The following PLEKHO2 variants were observed in gnomAD, a reference collection of about 807,000 sequenced individuals.
PLEKHO2 encodes the protein pleckstrin homology domain containing O2.
In PLEKHO2, 20 loss-of-function variants were observed where a neutral mutation model predicts 32.7. The ratio of observed to expected loss-of-function variants is 0.61; its 90% CI spans 0.43 to 0.89. The LOEUF (loss-of-function observed/expected upper bound fraction) is 0.89, where lower values mean the gene tolerates loss of function less well. Among genes scored for constraint, PLEKHO2 ranks in the 40% least tolerant of loss-of-function variants. The probability of loss-of-function intolerance (pLI) is 0.00; values close to 1 mark genes in which losing one functional copy is unlikely to be tolerated. For synonymous variants in PLEKHO2, 247 were observed against 246.3 expected, an observed-to-expected ratio of 1.00 and a Z score of -0.03; for missense variants, 568 against 621.2, an observed-to-expected ratio of 0.91 and a Z score of 0.91.
In PLEKHO2 at chr15:64,863,830, G is replaced by A. The variant is rs530296872; in HGVS notation, c.484-1069G>A. ...ATGATCTCGGCTCACTGCAACCTCC[G>A]CTTCCAGGGTTCAAGCAATTCTCCT... On this transcript the variant is annotated intron_variant, in intron 5 of 5. Transcript: ENST00000323544. 2.5e-3 allele frequency among the ~76,000 whole-genome samples: 381 copies of A among 150,056 alleles called. 2 individuals carry two copies. The highest frequency in any genetic ancestry group is 8.8e-3 in the African/African-American group (360 of 40,740).
At chr15:64,847,181 C>T (rs1025195012) in intron 1 of PLEKHO2, among the ~76,000 whole-genome samples, 1 of 152,168 alleles carries the variant, frequency 6.6e-6, no homozygotes, top group African/African-American at 2.4e-5. Flanking sequence ...GCTGGGGTTC[C>T]CCTGCCATGA....
chr15:64,856,365 C>T (rs1359486741), intron 3 of PLEKHO2, among the ~76,000 whole-genome samples: 2 of 151,950 alleles, frequency 1.3e-5, no homozygotes, highest in African/African-American at 2.4e-5. Context: ...TGAGTGCTCA[C>T]CTGGCCGTGT....
intron 1 of PLEKHO2, among the ~76,000 whole-genome samples, chr15:64,846,420 C>T (rs2084522731): frequency 6.6e-6 from 1 of 152,012 alleles, no homozygotes; most frequent in African/African-American, 2.4e-5. Context: ...TCAAGGGATT[C>T]TCCTGCCTCA....
chr15:64,866,418 T>C lies in PLEKHO2; in HGVS notation c.*530T>C, dbSNP rs1384182892. On this transcript the variant is annotated 3_prime_UTR_variant, in exon 6 of 6. Coordinates refer to ENST00000323544, the MANE Select transcript of PLEKHO2 (RefSeq NM_025201.5). ...AGAGGCCTTGGGTCCAGGCTCTAGGTTCATCCCTCAGTTGGGGGGAACGTA... is the reference window on the plus strand; with the variant it reads ...AGAGGCCTTGGGTCCAGGCTCTAGGCTCATCCCTCAGTTGGGGGGAACGTA... The C allele has an allele frequency of 2.2e-6, 1 of 456,194 alleles. No individual in the cohort carries two copies. Among genetic ancestry groups the C allele is most frequent in the Admixed American group, 2.3e-5 (1 of 42,562 alleles). The allele number at this position is 456,194 out of a possible 1,614,324, so 28.3% of individuals were successfully genotyped here. A position where few individuals can be genotyped will look rare whatever the true frequency, so the allele number is the denominator to read the frequency against.
chr15:64,842,039 G>T lies in PLEKHO2; in HGVS notation c.12+11G>T, dbSNP rs1008577105. On this transcript the variant is annotated intron_variant, in intron 1 of 5. Transcript: ENST00000323544. Reference sequence around the variant, plus strand: ...GCCATGGAGGAGGAGGTGAGGGCGGGGCCCGGCGGGGCGTTGGGCTGGGGT... The same window carrying T: ...GCCATGGAGGAGGAGGTGAGGGCGGTGCCCGGCGGGGCGTTGGGCTGGGGT... 1 of 1,239,634 alleles carries T rather than the reference G, an allele frequency of 8.1e-7. No homozygotes were observed. Among genetic ancestry groups the T allele is most frequent in the Non-Finnish European group, 1.0e-6 (1 of 991,394 alleles). 76.8% of individuals were successfully genotyped at this position (1,239,634 alleles called of 1,614,324 possible). A position where few individuals can be genotyped will look rare whatever the true frequency, so the allele number is the denominator to read the frequency against.
chr15:64,841,956 G>GGCAGAGCC lies in PLEKHO2; in HGVS notation c.-60_-53dup. On this transcript the variant is annotated 5_prime_UTR_variant, in exon 1 of 6. Coordinates refer to ENST00000323544, the MANE Select transcript of PLEKHO2 (RefSeq NM_025201.5). ...CCGCCTGGCCGGGCGTAGACGCGGTGGCAGAGCCCGCGCGGCGCTGGAAGC... is the reference window on the plus strand; with the variant it reads ...CCGCCTGGCCGGGCGTAGACGCGGTGGCAGAGCCGCAGAGCCCGCGCGGCGCTGGAAGC... 8.0e-7 allele frequency: 1 copy of GGCAGAGCC among 1,243,550 alleles called. No homozygotes were observed. Among genetic ancestry groups the GGCAGAGCC allele is most frequent in the Non-Finnish European group, 1.0e-6 (1 of 993,770 alleles). 77.0% of individuals were successfully genotyped at this position (1,243,550 alleles called of 1,614,324 possible).
intron 2 of PLEKHO2, among the ~76,000 whole-genome samples, chr15:64,850,100 C>A (rs2084555965): frequency 6.6e-6 from 1 of 151,850 alleles, no homozygotes; most frequent in East Asian, 1.9e-4. Flanking sequence ...GTGGAGGTTG[C>A]AGTGAGCCGA....
At position 64,844,594 on chromosome 15, in the gene PLEKHO2, C is replaced by T. The variant is rs147777429; in HGVS notation, c.12+2566C>T. ...CTTGCCCTCACCATCTAGAGACAAG[C>T]AGGGCAGTGTCCTGTCCCAGTACTG... is the stretch of plus-strand genomic sequence containing the variant. On this transcript the variant is annotated intron_variant, in intron 1 of 5. Coordinates refer to ENST00000323544, the MANE Select transcript of PLEKHO2 (RefSeq NM_025201.5). Among the ~76,000 whole-genome samples the T allele has an allele frequency of 4.9e-3, 749 of 152,282 alleles. 3 individuals are homozygous for T. The highest frequency in any genetic ancestry group is 7.0e-3 in the Non-Finnish European group (479 of 68,028).
At chr15:64,843,952 T>C (rs1595826489) in intron 1 of PLEKHO2, among the ~76,000 whole-genome samples, 1 of 152,118 alleles carries the variant, frequency 6.6e-6, no homozygotes, top group Non-Finnish European at 1.5e-5. Context: ...TCTTGTCCAC[T>C]TTACCCAAGC....
intron 5 of PLEKHO2, among the ~76,000 whole-genome samples, chr15:64,861,994 A>C (rs1205869202): frequency 6.6e-6 from 1 of 152,146 alleles, no homozygotes; most frequent in Admixed American, 6.5e-5. Context: ...ACAAGGAGCC[A>C]CTGGCATTTT....
Position 64,864,975 on chromosome 15 carries a change from C to T in PLEKHO2, c.560C>T (p.Pro187Leu). The change falls in exon 6 of 6, where the codon CCC becomes CTC. Residue 187 changes from proline to leucine, a missense_variant. Coordinates refer to ENST00000323544, the MANE Select transcript of PLEKHO2 (RefSeq NM_025201.5). ...GACAGTGGGCCACCAGTGTTTGCCCCCAGCAATCATGTCAGTGAAGCCCAA... is the reference window on the plus strand; with the variant it reads ...GACAGTGGGCCACCAGTGTTTGCCCTCAGCAATCATGTCAGTGAAGCCCAA... ...VPDSGPPVFAPSNHVSEAQPR... is the reference protein window; with the variant it reads ...VPDSGPPVFALSNHVSEAQPR... 1 of 1,614,136 alleles carries T rather than the reference C, an allele frequency of 6.2e-7. No individual in the cohort carries two copies. Among genetic ancestry groups the T allele is most frequent in the East Asian group, 2.2e-5 (1 of 44,882 alleles).
At chr15:64,842,213 C>T (rs1166386349) in intron 1 of PLEKHO2, among the ~76,000 whole-genome samples, 185 bp downstream of exon 1, 2 of 152,276 alleles carry the variant, frequency 1.3e-5, no homozygotes, top group Non-Finnish European at 2.9e-5. Flanking sequence ...CAGACCGCGT[C>T]CTCCTTCATT....
At chr15:64,852,707 G>A (rs1489165481) in intron 2 of PLEKHO2, among the ~76,000 whole-genome samples, 1 of 151,630 alleles carries the variant, frequency 6.6e-6, no homozygotes, top group Non-Finnish European at 1.5e-5. Context: ...TGCAGCCTCC[G>A]CCTCCTGGGT....
chr15:64,863,089 C>T (rs1019333056), intron 5 of PLEKHO2, among the ~76,000 whole-genome samples: 5 of 152,056 alleles, frequency 3.3e-5, no homozygotes, highest in African/African-American at 1.2e-4. Flanking sequence ...AGGCACCCTC[C>T]ACCACCCCCG....
intron 3 of PLEKHO2, among the ~76,000 whole-genome samples, chr15:64,859,147 C>T (rs1054451663): frequency 5.3e-5 from 8 of 152,212 alleles, no homozygotes; most frequent in African/African-American, 1.9e-4. Context: ...TACGTATGGA[C>T]CACATTTTGC....
rs141218019 is a variant in PLEKHO2 at position 64,867,754 on chromosome 15, T to C, written c.*1866T>C. On this transcript the variant is annotated 3_prime_UTR_variant, in exon 6 of 6. Coordinates refer to ENST00000323544, the MANE Select transcript of PLEKHO2 (RefSeq NM_025201.5). ...CCCAGCCACTCTCCCTGGGGCCTGG[T>C]GGGTAGGCAAGTAGCTCTGGGGCCA... 6.6e-6 allele frequency: 1 copy of C among 152,342 alleles called. No individual in the cohort carries two copies. The highest frequency in any genetic ancestry group is 2.4e-5 in the African/African-American group (1 of 41,566). The allele number at this position is 152,342 out of a possible 1,614,324, so 9.4% of individuals were successfully genotyped here. A position where few individuals can be genotyped will look rare whatever the true frequency, so the allele number is the denominator to read the frequency against.
chr15:64,865,941 A>G lies in PLEKHO2; in HGVS notation c.*53A>G. On this transcript the variant is annotated 3_prime_UTR_variant, in exon 6 of 6. Coordinates refer to ENST00000323544, the MANE Select transcript of PLEKHO2 (RefSeq NM_025201.5). ...TTCTGGCCATCCATCAAGTCCATCA[A>G]GGCCCAGCCCTGCTGAGAAATGTGC... is the stretch of plus-strand genomic sequence containing the variant. The G allele has an allele frequency of 6.4e-7, 1 of 1,554,774 alleles. No homozygotes were observed. Among genetic ancestry groups the G allele is most frequent in the South Asian group, 1.2e-5 (1 of 84,564 alleles).
In PLEKHO2 at chr15:64,848,752, T is replaced by C. The variant is rs1377118877; in HGVS notation, c.162+10T>C. On this transcript the variant is annotated intron_variant, in intron 2 of 5. Coordinates refer to ENST00000323544, the MANE Select transcript of PLEKHO2 (RefSeq NM_025201.5). ...GGTCTATGAGAATGAGGTGAGGACCTGCTTGGCCCTGAGATTGGGGGTTCT... is the reference window on the plus strand; with the variant it reads ...GGTCTATGAGAATGAGGTGAGGACCCGCTTGGCCCTGAGATTGGGGGTTCT... 1 of 1,613,826 alleles carries C rather than the reference T, an allele frequency of 6.2e-7. No individual in the cohort carries two copies. The highest frequency in any genetic ancestry group is 1.1e-5 in the South Asian group (1 of 91,076).
In PLEKHO2 at chr15:64,861,482, G is replaced by A. The variant is rs1229759928; in HGVS notation, c.390G>A (p.Lys130=). 3 of 1,598,938 alleles carry A rather than the reference G, an allele frequency of 1.9e-6. No individual in the cohort carries two copies. Among genetic ancestry groups the A allele is most frequent in the Non-Finnish European group, 1.7e-6 (2 of 1,173,938 alleles). ...RGKNKAFDEV[K]VDKSCALEHV... ...CTGGTTCCCCCTCCCTCCAGGTAAAGGTGGACAAGAGCTGCGCCCTGGAGC... is the reference window on the plus strand; with the variant it reads ...CTGGTTCCCCCTCCCTCCAGGTAAAAGTGGACAAGAGCTGCGCCCTGGAGC... Residue 130 remains lysine, a synonymous_variant, in exon 5 of 6, where the codon AAG becomes AAA. Transcript: ENST00000323544.
Sources: allele counts gnomAD v4.1 joint callset (sites outside exome capture counted in the v4.1 genomes callset), GRCh38; gene constraint gnomAD v4.1.1; transcripts MANE v1.5; gene names NCBI Gene and HGNC (gene_info 2026-07-23, HGNC 2026-07-21).